LAMA2: variants seen among roughly 807,000 people sequenced by gnomAD.
LAMA2 encodes the protein laminin subunit alpha-2.
In LAMA2, 269 loss-of-function variants were observed where a neutral mutation model predicts 364.8. That is an observed-to-expected ratio of 0.74 (90% confidence interval 0.67 to 0.82). The LOEUF is 0.82. Ranked by LOEUF, LAMA2 falls within the 40% of genes least tolerant of loss-of-function variation. LAMA2 has a pLI of 0.00. For synonymous variants in LAMA2, 1,379 were observed against 1,370.6 expected (o/e 1.01, Z -0.14); for missense variants, 3,807 against 3,873.2 (o/e 0.98, Z 0.45).
rs375648880 is a variant in LAMA2, at chr6:129,033,158, A to G, written c.113-16760A>G. The stretch of plus-strand genomic sequence containing the variant: ...GAAGTGGGTAAGATTTGGGGAAGAG[A>G]AGAATGAAATAAGAAAATGATCCAG... On this transcript the variant is annotated intron_variant, in intron 1 of 64. Transcript: ENST00000421865. Among the ~76,000 whole-genome samples the G allele has an allele frequency of 3.9e-5, 6 of 152,144 alleles. No homozygotes were observed. The East Asian group carries it at 9.6e-4, about 24-fold the overall frequency.
At chr6:129,445,585 T>C in intron 44 of LAMA2, 82 bp from the exon 45 acceptor site, 1 of 1,158,978 alleles carries the variant, frequency 8.6e-7, no homozygotes, top group Non-Finnish European at 1.3e-6. Context: ...TGAAATTGTT[T>C]GGTTAAGCAT....
At chr6:129,092,528 G>A (rs1021290273) in intron 3 of LAMA2, among the ~76,000 whole-genome samples, 3 of 152,146 alleles carry the variant, frequency 2.0e-5, no homozygotes, top group African/African-American at 7.2e-5. Context: ...ATTAGAGATG[G>A]CATCACAGTA....
At chr6:129,057,045 T>C (rs1277668025) in intron 2 of LAMA2, among the ~76,000 whole-genome samples, 2 of 152,146 alleles carry the variant, frequency 1.3e-5, no homozygotes, top group Non-Finnish European at 2.9e-5. Flanking sequence ...TATTCAGCTT[T>C]TAATAAAATT....
rs190369659 is a variant in LAMA2 at position 129,048,199 on chromosome 6, G to A, written c.113-1719G>A. ...ATGATTATAATTATTATTATTATAT[G>A]CAGATGATACAGACAAACATTTATG... On this transcript the variant is annotated intron_variant, in intron 1 of 64. Transcript: ENST00000421865. Among the ~76,000 whole-genome samples, 5 of 152,268 alleles carry A rather than the reference G, an allele frequency of 3.3e-5. No homozygotes were observed. The East Asian group carries it at 9.6e-4, about 29-fold the overall frequency.
intron 10 of LAMA2, among the ~76,000 whole-genome samples, chr6:129,189,876 AC>A (rs1157170092): frequency 6.6e-6 from 1 of 152,124 alleles, no homozygotes; most frequent in East Asian, 1.9e-4. Flanking sequence ...AGTGAACCTA[AC>A]TGGCCCCATT....
chr6:129,225,769 T>C (rs1007602494), intron 12 of LAMA2, among the ~76,000 whole-genome samples: 1 of 152,210 alleles, frequency 6.6e-6, no homozygotes, highest in African/African-American at 2.4e-5. Flanking sequence ...TGGTCAATTT[T>C]GGAATAAGTG....
intron 37 of LAMA2, among the ~76,000 whole-genome samples, chr6:129,397,637 C>T (rs1435582326): frequency 1.3e-5 from 2 of 152,094 alleles, no homozygotes; most frequent in South Asian, 2.1e-4. Flanking sequence ...GAAAACAAGA[C>T]ACCTCTAAAA....
At chr6:129,200,494 A>G (rs1350267587) in intron 12 of LAMA2, among the ~76,000 whole-genome samples, 1 of 151,050 alleles carries the variant, frequency 6.6e-6, no homozygotes, top group Non-Finnish European at 1.5e-5. Flanking sequence ...ATGTGTATGT[A>G]CACATATATA....
chr6:129,449,618 G>T (rs181155271), intron 45 of LAMA2, among the ~76,000 whole-genome samples: 26 of 152,188 alleles, frequency 1.7e-4, no homozygotes, highest in African/African-American at 5.8e-4. Context: ...TTAATTGCCG[G>T]CATATTGGGT....
At chr6:128,916,041 A>G (rs1186584129) in intron 1 of LAMA2, among the ~76,000 whole-genome samples, 1 of 152,162 alleles carries the variant, frequency 6.6e-6, no homozygotes, top group African/African-American at 2.4e-5. Flanking sequence ...CTAATGCCTA[A>G]TTATTTACAT....
chr6:129,131,887 G>A (rs923257992), intron 4 of LAMA2, among the ~76,000 whole-genome samples: 1 of 152,144 alleles, frequency 6.6e-6, no homozygotes, highest in Non-Finnish European at 1.5e-5. Flanking sequence ...AAATGTGGTG[G>A]CTCTAACAAA....
chr6:129,081,742 C>T (rs905894547), intron 3 of LAMA2, among the ~76,000 whole-genome samples: 3 of 152,046 alleles, frequency 2.0e-5, no homozygotes, highest in Non-Finnish European at 2.9e-5. Flanking sequence ...ACAAGGAATA[C>T]CTGCTTGAAT....
intron 24 of LAMA2, among the ~76,000 whole-genome samples, 167 bp from the exon 25 acceptor site, chr6:129,315,309 G>T (rs570969971): frequency 6.6e-6 from 1 of 152,308 alleles, no homozygotes; most frequent in South Asian, 2.1e-4. Context: ...TAGTCAAAAA[G>T]ATTTACGTCC....
chr6:128,913,886 C>T (rs1778137897), intron 1 of LAMA2, among the ~76,000 whole-genome samples: 1 of 151,962 alleles, frequency 6.6e-6, no homozygotes, highest in South Asian at 2.1e-4. Context: ...ACATTATAGC[C>T]AAAGTCTTAG....
At position 129,340,297 on chromosome 6, in the gene LAMA2, T is replaced by C. The variant is rs180892910; in HGVS notation, c.4312-2046T>C. ...GTCAAGCAATTTGAGACCTCACAGA[T>C]TTTTTTTTTAAGACAGGAAAGGCTT... On this transcript the variant is annotated intron_variant, in intron 29 of 64. Coordinates refer to ENST00000421865, the MANE Select transcript of LAMA2 (RefSeq NM_000426.4). Among the ~76,000 whole-genome samples the C allele has an allele frequency of 1.6e-3, 238 of 149,292 alleles. No individual in the cohort carries two copies. The South Asian group carries it at 0.019, about 12-fold the overall frequency.
chr6:128,977,266 C>CTTTTTTTTTTTTTTTTTTTT (rs34859670), intron 1 of LAMA2, among the ~76,000 whole-genome samples: 1 of 133,136 alleles, frequency 7.5e-6, no homozygotes, highest in Admixed American at 7.6e-5. Context: ...TTTATTCTTT[C>CTTTTTTTTTTTTTTTTTTTT]TTTTTTTTTT....
chr6:128,911,040 AG>A (rs1202759627), intron 1 of LAMA2, among the ~76,000 whole-genome samples: 11 of 151,594 alleles, frequency 7.3e-5, no homozygotes, highest in Admixed American at 6.6e-4. Flanking sequence ...CTCTCTTCAA[AG>A]CTGTCAGACA....
chr6:129,148,572 C>A (rs1778617053), intron 6 of LAMA2, among the ~76,000 whole-genome samples: 1 of 151,998 alleles, frequency 6.6e-6, no homozygotes, highest in South Asian at 2.1e-4. Flanking sequence ...TTTACCTGCA[C>A]CCCTAGAGGC....
chr6:128,927,261 CTCTT>C (rs1285579623), intron 1 of LAMA2, among the ~76,000 whole-genome samples: 2 of 152,150 alleles, frequency 1.3e-5, no homozygotes, highest in African/African-American at 4.8e-5. Flanking sequence ...GAGAATATCT[CTCTT>C]TCTAACACAC....
Sources: allele counts gnomAD v4.1 joint callset (sites outside exome capture counted in the v4.1 genomes callset), GRCh38; gene constraint gnomAD v4.1.1; transcripts MANE v1.5; gene names NCBI Gene and HGNC (gene_info 2026-07-23, HGNC 2026-07-21).